The following LRFN2 variants were observed in gnomAD, a reference collection of about 807,000 sequenced individuals.
LRFN2 encodes the protein leucine rich repeat and fibronectin type III domain containing 2, also known as leucine-rich repeat and fibronectin type-III domain-containing protein 2.
Under a neutral mutation model 37.3 loss-of-function variants are expected in LRFN2, and 18 were observed. The observed-to-expected ratio is 0.48, with a 90% confidence interval of 0.33 to 0.72. The LOEUF (loss-of-function observed/expected upper bound fraction) is 0.72. Among genes scored for constraint, LRFN2 ranks in the 30% least tolerant of loss-of-function variants. LRFN2 has a pLI of 0.02. For synonymous variants in LRFN2, 556 were observed against 466.6 expected, an observed-to-expected ratio of 1.19 and a Z score of -2.47; for missense variants, 1,006 against 1,060.7, an observed-to-expected ratio of 0.95 and a Z score of 0.72.
intron 1 of LRFN2, among the ~76,000 whole-genome samples, chr6:40,449,147 C>T (rs1412802976): frequency 6.6e-6 from 1 of 152,100 alleles, no homozygotes; most frequent in East Asian, 1.9e-4. Context: ...TTCAAAATTG[C>T]TAAGAGAGCG....
intron 1 of LRFN2, among the ~76,000 whole-genome samples, chr6:40,473,177 A>G (rs900532783): frequency 6.6e-6 from 1 of 152,152 alleles, no homozygotes; most frequent in African/African-American, 2.4e-5. Context: ...ACTGGATGGC[A>G]GCCAGGAGGG....
intron 1 of LRFN2, among the ~76,000 whole-genome samples, chr6:40,578,742 A>C (rs561535762): frequency 8.5e-5 from 13 of 152,224 alleles, no homozygotes; most frequent in Non-Finnish European, 1.8e-4. Flanking sequence ...TACCTTATGT[A>C]TAGTAGTTCA....
At chr6:40,556,312 C>T (rs1034612030) in intron 1 of LRFN2, among the ~76,000 whole-genome samples, 3 of 152,218 alleles carry the variant, frequency 2.0e-5, no homozygotes, top group Admixed American at 6.5e-5. Context: ...TTTTCTGGGG[C>T]TCTGACACCC....
intron 1 of LRFN2, among the ~76,000 whole-genome samples, chr6:40,441,520 AG>A (rs1561857325): frequency 6.6e-6 from 1 of 152,064 alleles, no homozygotes; most frequent in African/African-American, 2.4e-5. Context: ...AGGAAGAGAG[AG>A]GGAGCACAGC....
intron 1 of LRFN2, among the ~76,000 whole-genome samples, chr6:40,555,553 T>G (rs1766857680): frequency 6.6e-6 from 1 of 152,158 alleles, no homozygotes; most frequent in Non-Finnish European, 1.5e-5. Context: ...ATGCCACTGC[T>G]CCAGGGTGCA....
chr6:40,560,057 C>T (rs1167017599), intron 1 of LRFN2, among the ~76,000 whole-genome samples: 1 of 152,218 alleles, frequency 6.6e-6, no homozygotes, highest in African/African-American at 2.4e-5. Context: ...CTCGGTTAGC[C>T]CTGGGTGGAG....
chr6:40,579,447 G>A (rs566341039), intron 1 of LRFN2, among the ~76,000 whole-genome samples: 100 of 152,272 alleles, frequency 6.6e-4, no homozygotes, highest in African/African-American at 2.3e-3. Flanking sequence ...TGGTAGAGCA[G>A]GGTGGGAAAG....
chr6:40,490,367 C>T (rs1427280142), intron 1 of LRFN2, among the ~76,000 whole-genome samples: 1 of 152,178 alleles, frequency 6.6e-6, no homozygotes, highest in Non-Finnish European at 1.5e-5. Context: ...GGAGGAGCAG[C>T]GAGGCTGCAG....
intron 1 of LRFN2, among the ~76,000 whole-genome samples, chr6:40,547,918 C>G (rs145478323): frequency 4.6e-5 from 7 of 152,150 alleles, no homozygotes; most frequent in African/African-American, 1.7e-4. Flanking sequence ...CATCCCCACA[C>G]CTTTGTAAAT....
chr6:40,391,843 G>T lies in LRFN2; in HGVS notation c.*100C>A, dbSNP rs1762509137. On this transcript the variant is annotated 3_prime_UTR_variant, in exon 3 of 3. Transcript: ENST00000338305. ...TGACAGGGAGACGAAACTGTCCCTG[G>T]ATGTAAACATCACCATGGAAACTCC... The T allele has an allele frequency of 3.1e-6, 4 of 1,289,882 alleles. No individual in the cohort carries two copies. The highest frequency in any genetic ancestry group is 4.2e-6 in the Non-Finnish European group (4 of 956,618). The allele number at this position is 1,289,882 out of a possible 1,614,324, so 79.9% of individuals were successfully genotyped here.
chr6:40,534,092 C>A (rs1766404372), intron 1 of LRFN2, among the ~76,000 whole-genome samples: 1 of 152,212 alleles, frequency 6.6e-6, no homozygotes, highest in South Asian at 2.1e-4. Flanking sequence ...AGGGACACAG[C>A]TGGTCAGTGG....
intron 1 of LRFN2, among the ~76,000 whole-genome samples, chr6:40,493,343 A>G (rs926230286): frequency 3.3e-5 from 5 of 152,162 alleles, no homozygotes; most frequent in South Asian, 2.1e-4. Flanking sequence ...GGCTGAGGAA[A>G]TGGCACTTGT....
chr6:40,395,529 G>T (rs1260097410), intron 2 of LRFN2, among the ~76,000 whole-genome samples: 1 of 152,196 alleles, frequency 6.6e-6, no homozygotes, highest in Non-Finnish European at 1.5e-5. Flanking sequence ...TGCTGCAGGG[G>T]ACACTTGAGT....
intron 1 of LRFN2, among the ~76,000 whole-genome samples, chr6:40,466,014 T>G (rs868646126): frequency 3.9e-5 from 6 of 152,150 alleles, no homozygotes; most frequent in African/African-American, 1.4e-4. Context: ...AGGGGTTTAC[T>G]TAGAATATGG....
chr6:40,431,605 C>T, intron 2 of LRFN2, 109 bp downstream of exon 2: 2 of 914,332 alleles, frequency 2.2e-6, no homozygotes, highest in Non-Finnish European at 3.1e-6. Flanking sequence ...TCCCCACAGA[C>T]ACCTTTGGGG....
At chr6:40,430,557 A>G (rs1763455117) in intron 2 of LRFN2, among the ~76,000 whole-genome samples, 1 of 152,254 alleles carries the variant, frequency 6.6e-6, no homozygotes, top group Non-Finnish European at 1.5e-5. Context: ...GTTTCATATA[A>G]GGGAACTCAT....
chr6:40,440,496 A>AAATGAATG (rs139457580), intron 1 of LRFN2, among the ~76,000 whole-genome samples: 42 of 152,164 alleles, frequency 2.8e-4, no homozygotes, highest in African/African-American at 9.4e-4. Context: ...ATGAATGAAT[A>AAATGAATG]AATGAATGAA....
At chr6:40,424,555 C>G (rs1763303023) in intron 2 of LRFN2, among the ~76,000 whole-genome samples, 1 of 151,930 alleles carries the variant, frequency 6.6e-6, no homozygotes, top group Admixed American at 6.6e-5. Flanking sequence ...TGCATCCCCT[C>G]TTGTAGATGT....
intron 1 of LRFN2, among the ~76,000 whole-genome samples, chr6:40,498,431 G>T (rs895641143): frequency 1.3e-5 from 2 of 152,134 alleles, no homozygotes; most frequent in South Asian, 2.1e-4. Flanking sequence ...TATTTATAAA[G>T]ATATCCCTAG....
Sources: gnomAD v4.1 joint callset for allele counts (sites outside exome capture counted in the v4.1 genomes callset) on GRCh38, gnomAD v4.1.1 for gene constraint, MANE v1.5 for transcripts, NCBI Gene and HGNC (gene_info 2026-07-23, HGNC 2026-07-21) for gene names.